Variants in ATF6 observed in about 807,000 individuals in gnomAD.
ATF6 encodes the protein activating transcription factor 6, also known as cyclic AMP-dependent transcription factor ATF-6 alpha.
In ATF6, 53 loss-of-function variants were observed where a neutral mutation model predicts 83.6. The ratio of observed to expected loss-of-function variants is 0.63; its 90% CI spans 0.51 to 0.80. The LOEUF (loss-of-function observed/expected upper bound fraction) is 0.80, where lower values mean the gene tolerates loss of function less well. Among genes scored for constraint, ATF6 ranks in the 30% least tolerant of loss-of-function variants. The pLI is 0.00. For synonymous variants in ATF6, 288 were observed against 285.8 expected (o/e 1.01, Z -0.08); for missense variants, 744 against 797.9 (o/e 0.93, Z 0.81).
chr1:161,829,126 CATA>C, intron 9 of ATF6, among the ~76,000 whole-genome samples: 1 of 148,752 alleles, frequency 6.7e-6, no homozygotes, highest in Admixed American at 6.8e-5. Flanking sequence ...CACCCAGATT[CATA>C]AAGCAAGTCC....
chr1:161,945,147 C>T (rs1688724900), intron 15 of ATF6, among the ~76,000 whole-genome samples: 1 of 152,176 alleles, frequency 6.6e-6, no homozygotes, highest in Admixed American at 6.5e-5. Flanking sequence ...CTATTATATG[C>T]TGCACATGGC....
chr1:161,842,769 A>G (rs139817469), intron 9 of ATF6, among the ~76,000 whole-genome samples: 2 of 152,340 alleles, frequency 1.3e-5, no homozygotes, highest in African/African-American at 4.8e-5. Flanking sequence ...TTTTAAAAAA[A>G]GATAATTATT....
chr1:161,948,486 A>G (rs141207621), intron 15 of ATF6, among the ~76,000 whole-genome samples: 32 of 152,352 alleles, frequency 2.1e-4, no homozygotes, highest in African/African-American at 7.2e-4. Context: ...TGCTGAGAGT[A>G]GTATCTGCAT....
chr1:161,945,704 G>C (rs1688733825), intron 15 of ATF6, among the ~76,000 whole-genome samples: 1 of 152,176 alleles, frequency 6.6e-6, no homozygotes, highest in Non-Finnish European at 1.5e-5. Context: ...ATCTGGTCTT[G>C]TGAACTGTTA....
intron 7 of ATF6, among the ~76,000 whole-genome samples, chr1:161,802,960 C>T (rs1188066827): frequency 1.3e-5 from 2 of 152,158 alleles, no homozygotes; most frequent in African/African-American, 4.8e-5. Flanking sequence ...TTAAATTGAA[C>T]ATCTTGGTCC....
chr1:161,851,353 A>C (rs1686624053), intron 10 of ATF6, among the ~76,000 whole-genome samples: 1 of 152,160 alleles, frequency 6.6e-6, no homozygotes, highest in Admixed American at 6.6e-5. Flanking sequence ...GTCTGGTCAC[A>C]TAATACCACT....
intron 15 of ATF6, among the ~76,000 whole-genome samples, chr1:161,928,081 G>A (rs965847104): frequency 6.6e-6 from 1 of 152,002 alleles, no homozygotes; most frequent in African/African-American, 2.4e-5. Context: ...AATTGCATTT[G>A]GTCCTCATAA....
At chr1:161,786,059 G>A (rs1331195066) in intron 4 of ATF6, among the ~76,000 whole-genome samples, 4 of 149,970 alleles carry the variant, frequency 2.7e-5, no homozygotes, top group African/African-American at 9.9e-5. Context: ...TGCAACCTCC[G>A]CCTCCTGGCT....
chr1:161,892,858 G>A (rs893210024), intron 14 of ATF6, among the ~76,000 whole-genome samples: 3 of 151,886 alleles, frequency 2.0e-5, no homozygotes, highest in Non-Finnish European at 2.9e-5. Context: ...GGCTGGTCTC[G>A]AACTCCTGAC....
chr1:161,848,147 T>G (rs1686527050), intron 10 of ATF6, among the ~76,000 whole-genome samples: 1 of 151,990 alleles, frequency 6.6e-6, no homozygotes, highest in African/African-American at 2.4e-5. Context: ...GGAAAGATTA[T>G]GGATTCTTGA....
At chr1:161,858,961 A>C (rs1199623925) in intron 12 of ATF6, among the ~76,000 whole-genome samples, 1 of 152,216 alleles carries the variant, frequency 6.6e-6, no homozygotes, top group Non-Finnish European at 1.5e-5. Context: ...CCAAAGTAGC[A>C]CTAATCATTT....
At chr1:161,926,689 G>A (rs1056950106) in intron 15 of ATF6, among the ~76,000 whole-genome samples, 2 of 152,070 alleles carry the variant, frequency 1.3e-5, no homozygotes, top group Admixed American at 6.6e-5. Flanking sequence ...CAGAAAGTGG[G>A]GATCATTTGG....
At chr1:161,821,970 G>T (rs1270730260) in intron 9 of ATF6, among the ~76,000 whole-genome samples, 1 of 152,150 alleles carries the variant, frequency 6.6e-6, no homozygotes, top group Non-Finnish European at 1.5e-5. Flanking sequence ...TATAATGTGG[G>T]ACATGAGGAA....
At chr1:161,895,371 A>T (rs1687651276) in intron 14 of ATF6, among the ~76,000 whole-genome samples, 1 of 152,244 alleles carries the variant, frequency 6.6e-6, no homozygotes, top group Non-Finnish European at 1.5e-5. Context: ...TGTGTGTTTT[A>T]CTTATTTTAA....
chr1:161,818,528 G>A (rs998542373), intron 7 of ATF6, among the ~76,000 whole-genome samples: 2 of 152,158 alleles, frequency 1.3e-5, no homozygotes, highest in Non-Finnish European at 2.9e-5. Context: ...GAGCATTAGA[G>A]TGTTCCAGTA....
intron 13 of ATF6, among the ~76,000 whole-genome samples, chr1:161,862,968 T>C (rs1686915673): frequency 6.6e-6 from 1 of 152,200 alleles, no homozygotes; most frequent in Non-Finnish European, 1.5e-5. Flanking sequence ...TAGTACATTT[T>C]AGAGCCTTGA....
At chr1:161,773,977 A>G (rs1684456871) in intron 1 of ATF6, among the ~76,000 whole-genome samples, 1 of 152,200 alleles carries the variant, frequency 6.6e-6, no homozygotes, top group South Asian at 2.1e-4. Context: ...CCAACTGTTA[A>G]CATCGTGCCA....
At chr1:161,889,470 A>C (rs1219475100) in intron 14 of ATF6, among the ~76,000 whole-genome samples, 1 of 152,272 alleles carries the variant, frequency 6.6e-6, no homozygotes, top group Admixed American at 6.5e-5. Context: ...TGGGGAACCC[A>C]AGCTATAACA....
Position 161,766,320 on chromosome 1 carries a change from A to G in ATF6, c.-41A>G, listed in dbSNP as rs1374356987. On this transcript the variant is annotated 5_prime_UTR_variant, in exon 1 of 16. Coordinates refer to ENST00000367942, the MANE Select transcript of ATF6 (RefSeq NM_007348.4). ...TTTGTCCGCCTGCCGCCGCCGTCCC[A>G]GATATTAATCACGGAGTTCCAGGGA... The G allele has an allele frequency of 3.1e-6, 5 of 1,588,490 alleles. No homozygotes were observed. Among genetic ancestry groups the G allele is most frequent in the Non-Finnish European group, 4.3e-6 (5 of 1,157,996 alleles).
Sources: allele counts gnomAD v4.1 joint callset (sites outside exome capture counted in the v4.1 genomes callset), GRCh38; gene constraint gnomAD v4.1.1; transcripts MANE v1.5; gene names NCBI Gene and HGNC (gene_info 2026-07-23, HGNC 2026-07-21).